Variants in PPCS observed in about 807,000 individuals in gnomAD.
PPCS encodes the protein phosphopantothenate--cysteine ligase.
PPCS carries 17 observed loss-of-function variants against 24.6 expected under a neutral mutation model. That is an observed-to-expected ratio of 0.69 (90% confidence interval 0.47 to 1.04). PPCS has a LOEUF of 1.04. Among genes scored for constraint, PPCS ranks in the 50% least tolerant of loss-of-function variants. PPCS has a pLI of 0.00. For synonymous variants in PPCS, 190 were observed against 168.3 expected (o/e 1.13, Z -1.00); for missense variants, 360 against 402.8 (o/e 0.89, Z 0.91).
In PPCS at chr1:42,456,780, C is replaced by A; in HGVS notation, c.215C>A (p.Ala72Asp). The change falls in exon 1 of 3, where the codon GCC becomes GAC. Residue 72 changes from alanine to aspartate, a missense_variant. Ala to Asp is a moderately radical substitution (Grantham distance 126, BLOSUM62 -2). Around this residue, in one of 2 missense-constraint regions of PPCS, gnomAD observed 244 missense variants for 234.7 expected, o/e 1.04. Coordinates refer to ENST00000372561, the MANE Select transcript of PPCS (RefSeq NM_024664.4). ...CGGCGCGGTGCAACCTCGGCCGAGG[C>A]CTTCCTAGCCGCCGGCTACGGGGTC... Reference protein sequence around the residue: ...SGRRGATSAEAFLAAGYGVLF... With the variant: ...SGRRGATSAEDFLAAGYGVLF... 1 of 1,612,882 alleles carries A rather than the reference C, an allele frequency of 6.2e-7. No individual in the cohort carries two copies. The highest frequency in any genetic ancestry group is 8.5e-7 in the Non-Finnish European group (1 of 1,179,966).
chr1:42,456,785 C>T lies in PPCS; in HGVS notation c.220C>T (p.Leu74=). ...CGGTGCAACCTCGGCCGAGGCCTTC[C>T]TAGCCGCCGGCTACGGGGTCCTGTT... ...RRGATSAEAF[L]AAGYGVLFLY... is the part of the protein sequence containing the mutation. The change falls in exon 1 of 3, where the codon CTA becomes TTA. Residue 74 remains leucine, a synonymous_variant. Coordinates refer to ENST00000372561, the MANE Select transcript of PPCS (RefSeq NM_024664.4). 6.2e-7 allele frequency: 1 copy of T among 1,613,060 alleles called. No individual in the cohort carries two copies. Among genetic ancestry groups the T allele is most frequent in the Non-Finnish European group, 8.5e-7 (1 of 1,179,972 alleles).
intron 2 of PPCS, among the ~76,000 whole-genome samples, chr1:42,469,253 A>C (rs1170623350): frequency 6.6e-6 from 1 of 152,204 alleles, no homozygotes; most frequent in Admixed American, 6.5e-5. Context: ...ATGTTGGCAC[A>C]TTTCTGTAGT....
chr1:42,471,037 T>C (rs1027333916), intron 2 of PPCS, among the ~76,000 whole-genome samples: 1 of 152,176 alleles, frequency 6.6e-6, no homozygotes, highest in Non-Finnish European at 1.5e-5. Flanking sequence ...GAGTTTAGGA[T>C]GGCAGGGTTT....
intron 2 of PPCS, 66 bp downstream of exon 2, chr1:42,457,416 A>C: frequency 1.4e-6 from 2 of 1,388,798 alleles, no homozygotes; most frequent in Middle Eastern, 1.9e-4. Flanking sequence ...TTTCCTCTTG[A>C]TCTGGAGATG....
chr1:42,459,994 A>C lies in PPCS; in HGVS notation c.*68A>C, dbSNP rs762935673. The C allele has an allele frequency of 2.6e-5, 39 of 1,507,178 alleles. No homozygotes were observed. The African/African-American group carries it at 4.6e-4, about 18-fold the overall frequency. 93.4% of individuals were successfully genotyped at this position (1,507,178 alleles called of 1,614,324 possible). A position where few individuals can be genotyped will look rare whatever the true frequency, so the allele number is the denominator to read the frequency against. On this transcript the variant is annotated 3_prime_UTR_variant, in exon 3 of 3. Coordinates refer to ENST00000372561, the MANE Select transcript of PPCS (RefSeq NM_024664.4). ...AGAGATGGTGAAAACTACAAAAAAA[A>C]CCATGGCTTTCATATGGACAGATAA...
chr1:42,472,646 CT>C (rs1210844030), intron 2 of PPCS, among the ~76,000 whole-genome samples: 94 of 145,426 alleles, frequency 6.5e-4, no homozygotes, highest in Middle Eastern at 3.5e-3. Context: ...GACAGAAAAG[CT>C]TTTTTTTTTT....
chr1:42,457,628 T>C (rs1229821187), intron 2 of PPCS: 1 of 444,666 alleles, frequency 2.2e-6, no homozygotes, highest in Non-Finnish European at 4.1e-6. Context: ...CGATGAAGCT[T>C]CTTGGAGGAG....
intron 2 of PPCS, among the ~76,000 whole-genome samples, chr1:42,469,621 A>G (rs1643700594): frequency 6.6e-6 from 1 of 152,210 alleles, no homozygotes; most frequent in Non-Finnish European, 1.5e-5. Flanking sequence ...TTCCCTAAGG[A>G]AGCAGTATGG....
In PPCS at chr1:42,461,188, G is replaced by A. The variant is rs140107041; in HGVS notation, c.*1262G>A. 4.0e-3 allele frequency among the ~76,000 whole-genome samples: 605 copies of A among 152,316 alleles called. 3 individuals carry two copies. Among genetic ancestry groups the A allele is most frequent in the African/African-American group, 0.014 (577 of 41,570 alleles). On this transcript the variant is annotated 3_prime_UTR_variant, in exon 3 of 3. Coordinates refer to ENST00000372561, the MANE Select transcript of PPCS (RefSeq NM_024664.4). Reference sequence around the variant, plus strand: ...GTAGGGAAGGGTAGCCCCTGTGTCTGTCTGATAATAGAAGTACAATAAATT... The same window carrying A: ...GTAGGGAAGGGTAGCCCCTGTGTCTATCTGATAATAGAAGTACAATAAATT...
At position 42,458,017 on chromosome 1, in the gene PPCS, A is replaced by AG. The variant is rs990909557; in HGVS notation, c.612+669dup. On this transcript the variant is annotated intron_variant, in intron 2 of 2. Transcript: ENST00000372561. ...GAGCAGAGGGTGTACGAAGTGGGAA[A>AG]GGTCATTCCAGGTGGAGTATGGCAG... 1.5e-4 allele frequency among the ~76,000 whole-genome samples: 23 copies of AG among 152,048 alleles called. 1 individual carries two copies. The highest frequency in any genetic ancestry group is 5.3e-4 in the African/African-American group (22 of 41,426).
rs1569627012 is a variant in PPCS, at chr1:42,460,074, T to C, written c.*148T>C. On this transcript the variant is annotated 3_prime_UTR_variant, in exon 3 of 3. Transcript: ENST00000372561. ...GTAGGCAAATATGGTTTGGCATTTG[T>C]CTTTTAATGACACCTGATATGATGT... The C allele has an allele frequency of 7.1e-7, 1 of 1,409,058 alleles. No individual in the cohort carries two copies. The highest frequency in any genetic ancestry group is 2.5e-5 in the East Asian group (1 of 39,714). 87.3% of individuals were successfully genotyped at this position (1,409,058 alleles called of 1,614,324 possible). A position where few individuals can be genotyped will look rare whatever the true frequency, so the allele number is the denominator to read the frequency against.
Position 42,471,576 on chromosome 1 carries a change from A to C in PPCS, n.378-1546A>C, listed in dbSNP as rs114699295. Among the ~76,000 whole-genome samples, 977 of 152,288 alleles carry C rather than the reference A, an allele frequency of 6.4e-3. 11 individuals are homozygous for C. Among genetic ancestry groups the C allele is most frequent in the African/African-American group, 0.023 (944 of 41,560 alleles). ...TCATAGGATGCTATGTATTCTTAGT[A>C]TCTTGGGCTCTCTGCTACCCAGGAC... On this transcript the variant is annotated intron_variant and non_coding_transcript_variant, in intron 2 of 2. Transcript: ENST00000471420.
chr1:42,470,507 A>G (rs1057138327), intron 2 of PPCS, among the ~76,000 whole-genome samples: 2 of 152,246 alleles, frequency 1.3e-5, no homozygotes, highest in Non-Finnish European at 2.9e-5. Flanking sequence ...ATACTTTTAC[A>G]CCAGTGTTCA....
Position 42,456,607 on chromosome 1 carries a change from C to T in PPCS, c.42C>T (p.Pro14=). The change falls in exon 1 of 3, where the codon CCC becomes CCT. Residue 14 remains proline (P), a synonymous_variant. Transcript: ENST00000372561. ...CGGTAGCCGAGTTCCCCCAGCCTCC[C>T]GGTGCTGCGCGCTGGGCTGAGGTTA... ...MDPVAEFPQP[P]GAARWAEVMA... 2.0e-6 allele frequency: 3 copies of T among 1,523,958 alleles called. No homozygotes were observed. Among genetic ancestry groups the T allele is most frequent in the African/African-American group, 1.4e-5 (1 of 71,734 alleles). The allele number at this position is 1,523,958 out of a possible 1,614,324, so 94.4% of individuals were successfully genotyped here.
At position 42,460,955 on chromosome 1, in the gene PPCS, A is replaced by T. The variant is rs2148423250; in HGVS notation, c.*1029A>T. ...CTGCTTAATCTTTGAATCCTTGAGA[A>T]TCTTTGAAAAACTTTCAATACTTCT... is the stretch of plus-strand genomic sequence containing the variant. On this transcript the variant is annotated 3_prime_UTR_variant, in exon 3 of 3. Coordinates refer to ENST00000372561, the MANE Select transcript of PPCS (RefSeq NM_024664.4). Among the ~76,000 whole-genome samples, 1 of 152,372 alleles carries T rather than the reference A, an allele frequency of 6.6e-6. No individual in the cohort carries two copies. Among genetic ancestry groups the T allele is most frequent in the South Asian group, 2.1e-4 (1 of 4,832 alleles).
At chr1:42,461,314 T>C (rs1412297665), downstream of PPCS, among the ~76,000 whole-genome samples, 1 of 152,196 alleles carries the variant, frequency 6.6e-6, no homozygotes, top group Non-Finnish European at 1.5e-5. Flanking sequence ...TCAAGACTGT[T>C]CTGGAAGCAG....
downstream of PPCS, chr1:42,463,461 G>A (rs1643470538): frequency 6.6e-6 from 1 of 152,184 alleles, no homozygotes; most frequent in African/African-American, 2.4e-5. Flanking sequence ...TCCGCATTAC[G>A]GGCCTTTTCT....
Position 42,456,581 on chromosome 1 carries a change from C to G in PPCS, c.16C>G (p.Pro6Ala). 6.7e-7 allele frequency: 1 copy of G among 1,489,118 alleles called. No individual in the cohort carries two copies. Among genetic ancestry groups the G allele is most frequent in the Non-Finnish European group, 8.9e-7 (1 of 1,121,310 alleles). 92.2% of individuals were successfully genotyped at this position (1,489,118 alleles called of 1,614,324 possible). The change falls in exon 1 of 3, where the codon CCG (proline) becomes GCG (alanine). Residue 6 changes from proline (P) to alanine (A), a missense_variant. Coordinates refer to ENST00000372561, the MANE Select transcript of PPCS (RefSeq NM_024664.4). Reference protein sequence around the residue: MAEMDPVAEFPQPPGA... With the variant: MAEMDAVAEFPQPPGA... ...TGCGCTGCAGATGGCGGAAATGGAT[C>G]CGGTAGCCGAGTTCCCCCAGCCTCC... is the stretch of plus-strand genomic sequence containing the variant.
At chr1:42,468,662 T>C (rs1450825799) in intron 2 of PPCS, 1 of 152,260 alleles carries the variant, frequency 6.6e-6, no homozygotes, top group African/African-American at 2.4e-5. Context: ...TCTTCTAGAT[T>C]GATCTGGAGC....
Sources: allele counts gnomAD v4.1 joint callset (sites outside exome capture counted in the v4.1 genomes callset), GRCh38; gene constraint gnomAD v4.1.1; regional missense constraint gnomAD v4.1.1; transcripts MANE v1.5; gene names NCBI Gene and HGNC (gene_info 2026-07-23, HGNC 2026-07-21).